The following SCARB1 variants were observed in gnomAD, a reference collection of about 807,000 sequenced individuals.
The protein encoded by SCARB1 is CD36 and LIMPII analogous 1.
Under a neutral mutation model 57.2 loss-of-function variants are expected in SCARB1, and 30 were observed. The ratio of observed to expected loss-of-function variants is 0.52; its 90% CI spans 0.39 to 0.71. The LOEUF (loss-of-function observed/expected upper bound fraction) is 0.71. Ranked by LOEUF, SCARB1 falls within the 30% of genes least tolerant of loss-of-function variation. The pLI, the probability that SCARB1 is intolerant of heterozygous loss-of-function variation, is 0.00. For missense variants in SCARB1, 543 were observed against 671.2 expected (o/e 0.81, Z 2.11); for synonymous variants, 249 against 268.3 (o/e 0.93, Z 0.70).
In SCARB1 at chr12:124,778,599, G is replaced by A; in HGVS notation, c.*1-13C>T. On this transcript the variant is annotated splice_polypyrimidine_tract_variant and intron_variant, in intron 12 of 12. Transcript: ENST00000261693. ...TGTCCTCAGGACCCTGTGGAGAAAG[G>A]CAAAGCTGGGTGACCACCCACGCCC... The A allele has an allele frequency of 2.1e-6, 3 of 1,413,004 alleles. No individual in the cohort carries two copies. Among genetic ancestry groups the A allele is most frequent in the South Asian group, 3.2e-5 (2 of 62,072 alleles). The allele number at this position is 1,413,004 out of a possible 1,614,324, so 87.5% of individuals were successfully genotyped here.
intron 1 of SCARB1, among the ~76,000 whole-genome samples, chr12:124,858,194 C>T (rs758136569): frequency 5.8e-4 from 88 of 152,192 alleles, no homozygotes; most frequent in Non-Finnish European, 1.1e-3. Context: ...CATACACTAG[C>T]GAGGTCACTT....
chr12:124,863,470 G>A, intron 1 of SCARB1, 125 bp downstream of exon 1: 2 of 1,004,048 alleles, frequency 2.0e-6, no homozygotes, highest in South Asian at 1.7e-5. Flanking sequence ...CGTGCTCTGC[G>A]GCGCCAGGCC....
intron 2 of SCARB1, among the ~76,000 whole-genome samples, chr12:124,815,548 C>T (rs528464246): frequency 6.6e-6 from 1 of 152,318 alleles, no homozygotes; most frequent in South Asian, 2.1e-4. Context: ...AAGCCACTCT[C>T]CACCATCCAG....
Position 124,810,077 on chromosome 12 carries a change from G to A in SCARB1, c.842+97C>T, listed in dbSNP as rs760317490. 3.4e-5 allele frequency: 27 copies of A among 786,258 alleles called. No homozygotes were observed. The highest frequency in any genetic ancestry group is 5.9e-5 in the Admixed American group (3 of 50,742). The allele number at this position is 786,258 out of a possible 1,614,324, so 48.7% of individuals were successfully genotyped here. A position where few individuals can be genotyped will look rare whatever the true frequency, so the allele number is the denominator to read the frequency against. On this transcript the variant is annotated intron_variant, in intron 6 of 12. Transcript: ENST00000261693. This position sits in a 1 kb window ranked among gnomAD's most constrained non-coding sequence, Gnocchi z 4.0. ...CCAAGGGCTACTGAGTCAAATCCAC[G>A]ATGAGTCAAAATGCTTTCCAAGTGC... is the stretch of plus-strand genomic sequence containing the variant.
rs1949661412 is a variant in SCARB1 at position 124,789,944 on chromosome 12, G to C, written c.1203-2487C>G. Among the ~76,000 whole-genome samples, 1 of 149,778 alleles carries C rather than the reference G, an allele frequency of 6.7e-6. No individual in the cohort carries two copies. Among genetic ancestry groups the C allele is most frequent in the Non-Finnish European group, 1.5e-5 (1 of 67,760 alleles). The stretch of plus-strand genomic sequence containing the variant: ...GAGAATCACTTGAACCAGGGAGTCA[G>C]AGGTTGCAGTGAGCGGAGATCATGC... On this transcript the variant is annotated intron_variant, in intron 9 of 12. Coordinates refer to ENST00000261693, the MANE Select transcript of SCARB1 (RefSeq NM_005505.5). The surrounding 1 kb of genome is among the most constrained non-coding windows in gnomAD (Gnocchi z 4.4).
chr12:124,783,034 A>G, intron 11 of SCARB1: 1 of 534,152 alleles, frequency 1.9e-6, no homozygotes, highest in East Asian at 3.3e-5. Flanking sequence ...TGGACAAGCC[A>G]AGCTGAAAAG....
At chr12:124,855,341 G>A (rs1190352286) in intron 1 of SCARB1, among the ~76,000 whole-genome samples, 1 of 152,214 alleles carries the variant, frequency 6.6e-6, no homozygotes, top group African/African-American at 2.4e-5. Flanking sequence ...CCGGGACCTG[G>A]GGAGCTTCTG....
intron 1 of SCARB1, among the ~76,000 whole-genome samples, chr12:124,837,528 GAAA>G (rs1225930420): frequency 3.7e-5 from 3 of 81,512 alleles, no homozygotes; most frequent in African/African-American, 1.4e-4. Context: ...AGAAAGGAAA[GAAA>G]AAGAAAGAAA....
chr12:124,822,451 C>G lies in SCARB1; in HGVS notation c.127-4744G>C, dbSNP rs781195304. 2.0e-5 allele frequency among the ~76,000 whole-genome samples: 3 copies of G among 152,118 alleles called. No homozygotes were observed. Among genetic ancestry groups the G allele is most frequent in the African/African-American group, 7.2e-5 (3 of 41,406 alleles). ...CTACACAACACCATTTCCGCGACAT[C>G]GGGGAAAGGGAATACTCTAGAGAGA... On this transcript the variant is annotated intron_variant, in intron 1 of 12. Transcript: ENST00000261693. This position sits in a 1 kb window ranked among gnomAD's most constrained non-coding sequence, Gnocchi z 5.0.
At chr12:124,830,346 G>C (rs1951335780) in intron 1 of SCARB1, among the ~76,000 whole-genome samples, 1 of 152,104 alleles carries the variant, frequency 6.6e-6, no homozygotes, top group South Asian at 2.1e-4. Flanking sequence ...ATTTGTCCCA[G>C]AAAAATGAAA....
At chr12:124,842,861 G>C (rs1206895183) in intron 1 of SCARB1, among the ~76,000 whole-genome samples, 1 of 152,226 alleles carries the variant, frequency 6.6e-6, no homozygotes, top group Non-Finnish European at 1.5e-5. Flanking sequence ...TTCTGTGCGG[G>C]AACAAGAGAT....
Position 124,800,300 on chromosome 12 carries a change from C to A in SCARB1, c.1010-58G>T, listed in dbSNP as rs1164198839. 2 of 1,350,768 alleles carry A rather than the reference C, an allele frequency of 1.5e-6. No individual in the cohort carries two copies. The highest frequency in any genetic ancestry group is 2.1e-6 in the Non-Finnish European group (2 of 947,438). The allele number at this position is 1,350,768 out of a possible 1,614,324, so 83.7% of individuals were successfully genotyped here. On this transcript the variant is annotated intron_variant, in intron 7 of 12. Transcript: ENST00000261693. This position sits in a 1 kb window ranked among gnomAD's most constrained non-coding sequence, Gnocchi z 4.8. ...AGGACAGTATATTGGCAGGTCCTGC[C>A]AGGCCGGAGGTCTGCACAGAGCTGT...
chr12:124,833,338 C>T (rs1224425401), intron 1 of SCARB1, among the ~76,000 whole-genome samples: 3 of 151,992 alleles, frequency 2.0e-5, no homozygotes, highest in Non-Finnish European at 4.4e-5. Context: ...CACAAGCATA[C>T]ACCACCACGC....
At chr12:124,843,013 A>G (rs1257325230) in intron 1 of SCARB1, among the ~76,000 whole-genome samples, 1 of 152,210 alleles carries the variant, frequency 6.6e-6, no homozygotes, top group Non-Finnish European at 1.5e-5. Context: ...GCAGGAAGGA[A>G]AAACAAGGAA....
chr12:124,856,608 AC>A (rs890716232), intron 1 of SCARB1, among the ~76,000 whole-genome samples: 9 of 152,316 alleles, frequency 5.9e-5, no homozygotes, highest in Middle Eastern at 6.8e-3. Flanking sequence ...ATTGGCACAC[AC>A]CTGTGATCCA....
chr12:124,791,678 C>G (rs534635513), intron 9 of SCARB1, among the ~76,000 whole-genome samples: 1 of 152,114 alleles, frequency 6.6e-6, no homozygotes, highest in East Asian at 1.9e-4. Flanking sequence ...AATCAGAGAC[C>G]GGGCGCAGTG....
rs548181251 is a variant in SCARB1, at chr12:124,827,401, G to C, written c.127-9694C>G. Among the ~76,000 whole-genome samples the C allele has an allele frequency of 1.0e-4, 15 of 148,856 alleles. No homozygotes were observed. The East Asian group carries it at 2.9e-3, about 29-fold the overall frequency. On this transcript the variant is annotated intron_variant, in intron 1 of 12. Transcript: ENST00000261693. ...ATTTACAGATAACACCAGTAGTTTT[G>C]GTCAGGGGTTAATATTATTATTATT...
At chr12:124,780,840 ACTGACCAGGCCCTGACCAGCCC>A (rs1317225923) in intron 12 of SCARB1, among the ~76,000 whole-genome samples, 14 of 152,128 alleles carry the variant, frequency 9.2e-5, no homozygotes, top group Admixed American at 7.9e-4. Context: ...CCTGCTCTAC[ACTGACCAGGCCCTGACCAGCCC>A]CTGACCAGCC....
In SCARB1 at chr12:124,822,609, G is replaced by A. The variant is rs1051429348; in HGVS notation, c.127-4902C>T. On this transcript the variant is annotated intron_variant, in intron 1 of 12. Coordinates refer to ENST00000261693, the MANE Select transcript of SCARB1 (RefSeq NM_005505.5). The surrounding 1 kb of genome is among the most constrained non-coding windows in gnomAD (Gnocchi z 5.0). ...GATGCAACTCATCAAATTAGGCCAG[G>A]CATGGTGGCTCACGCCTGTAATCCA... is the stretch of plus-strand genomic sequence containing the variant. Among the ~76,000 whole-genome samples the A allele has an allele frequency of 6.6e-6, 1 of 152,220 alleles. No homozygotes were observed. Among genetic ancestry groups the A allele is most frequent in the African/African-American group, 2.4e-5 (1 of 41,442 alleles).
Sources: allele counts gnomAD v4.1 joint callset (sites outside exome capture counted in the v4.1 genomes callset), GRCh38; gene constraint gnomAD v4.1.1; non-coding constraint Gnocchi (gnomAD v3.1); transcripts MANE v1.5; gene names NCBI Gene and HGNC (gene_info 2026-07-23, HGNC 2026-07-21).